The following XIRP2 variants were observed in gnomAD, a reference collection of about 807,000 sequenced individuals.
XIRP2 encodes xin actin binding repeat containing 2.
A neutral mutation model predicts 277.0 loss-of-function variants in XIRP2; 236 were observed. The observed-to-expected ratio is 0.85, with a 90% CI of 0.77 to 0.95. The LOEUF is 0.95. XIRP2 is among the 40% of genes least tolerant of loss of function. The pLI is 0.00. For missense variants in XIRP2, 4,640 were observed against 4,157.5 expected (o/e 1.12, Z -3.19); for synonymous variants, 1,490 against 1,416.5 (o/e 1.05, Z -1.17).
At chr2:167,082,890 G>A (rs1417560653) in intron 2 of XIRP2, among the ~76,000 whole-genome samples, 1 of 151,974 alleles carries the variant, frequency 6.6e-6, no homozygotes, top group Admixed American at 6.6e-5. Context: ...CCATTTTGTA[G>A]GTTGCCTGTT....
chr2:167,113,280 C>A (rs1419258632), intron 2 of XIRP2, among the ~76,000 whole-genome samples: 1 of 152,110 alleles, frequency 6.6e-6, no homozygotes, highest in African/African-American at 2.4e-5. Context: ...GTGTGGGAAT[C>A]TAAATCTCTT....
At chr2:167,013,709 T>G (rs1687745525) in intron 2 of XIRP2, among the ~76,000 whole-genome samples, 1 of 151,650 alleles carries the variant, frequency 6.6e-6, no homozygotes, top group Admixed American at 6.6e-5. Flanking sequence ...AGCCTTAGGA[T>G]TTATTTGGGC....
Position 167,249,118 on chromosome 2 carries a change from C to A in XIRP2, c.7726C>A (p.Gln2576Lys), listed in dbSNP as rs1209224137. 15 of 1,613,602 alleles carry A rather than the reference C, an allele frequency of 9.3e-6. No individual in the cohort carries two copies. Among genetic ancestry groups the A allele is most frequent in the Non-Finnish European group, 1.3e-5 (15 of 1,179,794 alleles). The stretch of plus-strand genomic sequence containing the variant: ...CTACAACATTGTTAAAACTCAAAGC[C>A]AAAATCAACACATAACAGAGGTGGA... The part of the protein sequence containing the change: ...SYYNIVKTQS[Q>K]NQHITEVEKE... The change falls in exon 9 of 11, where the codon CAA (glutamine) becomes AAA (lysine). Residue 2576 changes from glutamine (Q) to lysine (K), a missense_variant. Gln to Lys is a moderately conservative substitution (Grantham distance 53). Coordinates refer to ENST00000409195, the MANE Select transcript of XIRP2 (RefSeq NM_152381.6).
At chr2:167,177,490 A>T (rs1017348890) in intron 3 of XIRP2, among the ~76,000 whole-genome samples, 3 of 152,154 alleles carry the variant, frequency 2.0e-5, no homozygotes, top group African/African-American at 7.2e-5. Context: ...AACATTTTAT[A>T]AAAAAAGTCT....
chr2:167,208,082 A>G, intron 3 of XIRP2, among the ~76,000 whole-genome samples: 1 of 152,214 alleles, frequency 6.6e-6, no homozygotes, highest in African/African-American at 2.4e-5. Context: ...GAATTCACTG[A>G]ACTTCTTCGG....
At position 167,251,042 on chromosome 2, in the gene XIRP2, C is replaced by CT; in HGVS notation, c.9651dup (p.Pro3218SerfsTer9). On this transcript the variant is annotated frameshift_variant, in exon 9 of 11. Coordinates refer to ENST00000409195, the MANE Select transcript of XIRP2 (RefSeq NM_152381.6). LOFTEE classifies it high-confidence loss of function. ...GAGAAGAGGTCTGAAATCATCATGT[C>CT]TCCTGCAACACTTCGTCGTCAAATT... 6.2e-7 allele frequency: 1 copy of CT among 1,613,658 alleles called. No homozygotes were observed. The highest frequency in any genetic ancestry group is 8.5e-7 in the Non-Finnish European group (1 of 1,179,742).
intron 3 of XIRP2, among the ~76,000 whole-genome samples, chr2:167,155,564 A>G (rs978837636): frequency 1.3e-5 from 2 of 152,128 alleles, no homozygotes; most frequent in Non-Finnish European, 2.9e-5. Context: ...TGTTAAAAAC[A>G]CTCAATAAAT....
intron 2 of XIRP2, among the ~76,000 whole-genome samples, chr2:166,946,392 A>C (rs926530613): frequency 1.3e-5 from 2 of 152,180 alleles, no homozygotes; most frequent in African/African-American, 2.4e-5. Flanking sequence ...TCTCACCCAG[A>C]CAAGGAGAAT....
intron 2 of XIRP2, among the ~76,000 whole-genome samples, chr2:166,962,959 G>A (rs1251514175): frequency 6.6e-6 from 1 of 151,746 alleles, no homozygotes; most frequent in Non-Finnish European, 1.5e-5. Flanking sequence ...ACTGTGGGAT[G>A]ACTATGGTTA....
intron 2 of XIRP2, among the ~76,000 whole-genome samples, chr2:167,024,355 T>A (rs1309537884): frequency 6.6e-6 from 1 of 152,152 alleles, no homozygotes; most frequent in Non-Finnish European, 1.5e-5. Context: ...GATTTTGGGC[T>A]GAGATGATGG....
At position 167,203,529 on chromosome 2, in the gene XIRP2, GA is replaced by G. The variant is rs548951238; in HGVS notation, c.563-7199del. ...TCTGAGTCACTGTGTTCATTTGCTG[GA>G]AAAAAATGCTACAAGATGGTTTTTG... On this transcript the variant is annotated intron_variant, in intron 3 of 10. Transcript: ENST00000409195. Among the ~76,000 whole-genome samples, 541 of 152,116 alleles carry G rather than the reference GA, an allele frequency of 3.6e-3. 1 individual carries two copies. The highest frequency in any genetic ancestry group is 0.012 in the African/African-American group (508 of 41,508).
At chr2:167,196,891 T>C (rs1043112309) in intron 3 of XIRP2, among the ~76,000 whole-genome samples, 7 of 152,162 alleles carry the variant, frequency 4.6e-5, no homozygotes, top group African/African-American at 1.4e-4. Flanking sequence ...TGTCTGTACT[T>C]AGCTCACTGG....
chr2:167,200,897 A>G (rs1278553782), intron 3 of XIRP2, among the ~76,000 whole-genome samples: 1 of 152,078 alleles, frequency 6.6e-6, no homozygotes, highest in Non-Finnish European at 1.5e-5. Flanking sequence ...AGGCCAAGGC[A>G]GCTGTATTAC....
intron 3 of XIRP2, among the ~76,000 whole-genome samples, chr2:167,151,995 C>T (rs1408844111): frequency 2.6e-5 from 4 of 152,146 alleles, no homozygotes; most frequent in Non-Finnish European, 5.9e-5. Context: ...TTCATTTTTT[C>T]TATTGCCAAA....
At chr2:167,012,647 A>G (rs78382647) in intron 2 of XIRP2, among the ~76,000 whole-genome samples, 2 of 151,616 alleles carry the variant, frequency 1.3e-5, no homozygotes, top group East Asian at 1.9e-4. Context: ...CTATTTTTCC[A>G]TGTCCTTGTA....
chr2:167,030,510 G>A (rs1688313709), intron 2 of XIRP2, among the ~76,000 whole-genome samples: 1 of 152,132 alleles, frequency 6.6e-6, no homozygotes. Flanking sequence ...CAGTTTCCAT[G>A]TAGTTGTGCA....
rs201631097 is a variant in XIRP2, at chr2:166,983,816, G to C, written c.408+79926G>C. 1.1e-4 allele frequency among the ~76,000 whole-genome samples: 16 copies of C among 152,268 alleles called. No homozygotes were observed. The East Asian group carries it at 2.9e-3, about 28-fold the overall frequency. On this transcript the variant is annotated intron_variant, in intron 2 of 10. Transcript: ENST00000409195. ...GTTTTGCCAAATGTAGAATGACTATGATTTATTGTTATATATTTTGTACAT... is the reference window on the plus strand; with the variant it reads ...GTTTTGCCAAATGTAGAATGACTATCATTTATTGTTATATATTTTGTACAT...
chr2:167,104,059 T>G (rs1447980604), intron 2 of XIRP2, among the ~76,000 whole-genome samples: 1 of 152,154 alleles, frequency 6.6e-6, no homozygotes, highest in Non-Finnish European at 1.5e-5. Context: ...AGGTTTTGTA[T>G]GAGAACAAAA....
At chr2:166,986,085 A>G (rs1020116283) in intron 2 of XIRP2, among the ~76,000 whole-genome samples, 3 of 152,182 alleles carry the variant, frequency 2.0e-5, no homozygotes, top group Non-Finnish European at 4.4e-5. Context: ...GCCTAGCTGC[A>G]TTGGTATTCT....
Sources: allele counts gnomAD v4.1 joint callset (sites outside exome capture counted in the v4.1 genomes callset), GRCh38; gene constraint gnomAD v4.1.1; transcripts MANE v1.5; gene names NCBI Gene and HGNC (gene_info 2026-07-23, HGNC 2026-07-21).